TUSC3: variants seen among roughly 807,000 people sequenced by gnomAD.
TUSC3 encodes the protein tumor suppressor candidate 3, also known as dolichyl-diphosphooligosaccharide--protein glycosyltransferase subunit TUSC3.
A neutral mutation model predicts 44.8 loss-of-function variants in TUSC3; 45 were observed. The ratio of observed to expected loss-of-function variants is 1.00; its 90% CI spans 0.79 to 1.29. The LOEUF (loss-of-function observed/expected upper bound fraction) is 1.29. Among genes scored for constraint, TUSC3 ranks in the 50% most tolerant of loss-of-function variants. The pLI, the probability that TUSC3 is intolerant of heterozygous loss-of-function variation, is 0.00. For missense variants in TUSC3, 519 were observed against 437.9 expected (o/e 1.19, Z -1.65); for synonymous variants, 212 against 152.9 (o/e 1.39, Z -2.85).
intron 1 of TUSC3, among the ~76,000 whole-genome samples, chr8:15,576,811 A>C (rs373683871): frequency 0.065 from 8,764 of 134,474 alleles, 267 homozygotes; most frequent in Middle Eastern, 0.082. Flanking sequence ...ATTTATAGTC[A>C]TTTGGGTATA....
intron 2 of TUSC3, among the ~76,000 whole-genome samples, chr8:15,649,178 A>G (rs911002726): frequency 2.0e-5 from 3 of 152,162 alleles, no homozygotes; most frequent in Non-Finnish European, 2.9e-5. Flanking sequence ...GGAAGTTTTT[A>G]AGAAATCACA....
At chr8:15,752,964 A>T (rs1358454080) in intron 9 of TUSC3, among the ~76,000 whole-genome samples, 1 of 152,044 alleles carries the variant, frequency 6.6e-6, no homozygotes, top group Admixed American at 6.6e-5. Flanking sequence ...CTTGGTACAA[A>T]TATATGCAAT....
the TUSC3 span, among the ~76,000 whole-genome samples, chr8:15,803,062 G>A: frequency 6.6e-6 from 1 of 152,162 alleles, no homozygotes; most frequent in African/African-American, 2.4e-5. Flanking sequence ...CAAGGTCAGT[G>A]TTGATGTTCA....
At chr8:15,791,301 A>ACC in the TUSC3 span, among the ~76,000 whole-genome samples, 1 of 151,578 alleles carries the variant, frequency 6.6e-6, no homozygotes, top group Non-Finnish European at 1.5e-5. Flanking sequence ...ACACACACAC[A>ACC]CACAGGCATC....
At chr8:15,496,520 C>T (rs532134028) in intron 2 of TUSC3, among the ~76,000 whole-genome samples, 2 of 152,306 alleles carry the variant, frequency 1.3e-5, no homozygotes, top group Admixed American at 6.5e-5. Context: ...GCTGTCCTAG[C>T]TTCTGATACA....
chr8:15,517,994 C>CAAA (rs1801244597), intron 2 of TUSC3, among the ~76,000 whole-genome samples: 3 of 135,394 alleles, frequency 2.2e-5, no homozygotes, highest in South Asian at 2.7e-4. Flanking sequence ...AAAAAAAAAC[C>CAAA]CCCATACACA....
At chr8:15,605,988 C>T (rs1291474072) in intron 1 of TUSC3, among the ~76,000 whole-genome samples, 3 of 152,078 alleles carry the variant, frequency 2.0e-5, no homozygotes, top group Non-Finnish European at 2.9e-5. Flanking sequence ...TTGCATATTG[C>T]AGTAAACAGT....
At chr8:15,508,854 C>G (rs1286547021) in intron 2 of TUSC3, among the ~76,000 whole-genome samples, 1 of 152,208 alleles carries the variant, frequency 6.6e-6, no homozygotes, top group Non-Finnish European at 1.5e-5. Context: ...GCTACTCACT[C>G]TGTCAACAGC....
chr8:15,482,736 G>GT (rs1327022862), intron 1 of TUSC3, among the ~76,000 whole-genome samples: 1 of 152,122 alleles, frequency 6.6e-6, no homozygotes, highest in Non-Finnish European at 1.5e-5. Flanking sequence ...GATTAAAAAT[G>GT]TATGTACAGA....
At chr8:15,831,875 A>C in the TUSC3 span, among the ~76,000 whole-genome samples, 38 of 152,150 alleles carry the variant, frequency 2.5e-4, no homozygotes, top group Non-Finnish European at 5.9e-5. Flanking sequence ...ATACTGCAGG[A>C]TATTATCCAT....
chr8:15,763,895 T>C (rs1341484047), intron 10 of TUSC3, among the ~76,000 whole-genome samples: 2 of 152,076 alleles, frequency 1.3e-5, no homozygotes, highest in Non-Finnish European at 2.9e-5. Flanking sequence ...TCCCCTACAT[T>C]ACCATTTTAA....
chr8:15,717,570 C>A (rs1163070600), intron 6 of TUSC3, among the ~76,000 whole-genome samples: 1 of 152,022 alleles, frequency 6.6e-6, no homozygotes, highest in East Asian at 1.9e-4. Context: ...AATCCTGTTG[C>A]AGTATTACGT....
At chr8:15,826,851 G>A in the TUSC3 span, among the ~76,000 whole-genome samples, 1 of 152,124 alleles carries the variant, frequency 6.6e-6, no homozygotes, top group African/African-American at 2.4e-5. Context: ...CATCTTATGT[G>A]TTTGTTGTGA....
intron 1 of TUSC3, among the ~76,000 whole-genome samples, chr8:15,430,665 A>G (rs10100989): frequency 0.14 from 21,020 of 151,332 alleles, 1,732 homozygotes; most frequent in Middle Eastern, 0.21. Context: ...AGGGCATTCA[A>G]TTAGGAAAAG....
chr8:15,840,772 C>T, the TUSC3 span, among the ~76,000 whole-genome samples: 1 of 152,096 alleles, frequency 6.6e-6, no homozygotes, highest in Non-Finnish European at 1.5e-5. Context: ...ACAATAATGG[C>T]TGTCTCTAAA....
chr8:15,518,332 T>C (rs889199954), intron 2 of TUSC3, among the ~76,000 whole-genome samples: 4 of 152,182 alleles, frequency 2.6e-5, no homozygotes. Flanking sequence ...AAATTATACA[T>C]GTTACAGTTT....
At chr8:15,572,735 G>A (rs1431222981) in intron 1 of TUSC3, among the ~76,000 whole-genome samples, 2 of 152,064 alleles carry the variant, frequency 1.3e-5, no homozygotes. Flanking sequence ...TTATTCATTG[G>A]CCTAATTTCA....
chr8:15,545,377 T>G (rs1183696374), intron 1 of TUSC3, among the ~76,000 whole-genome samples: 1 of 151,506 alleles, frequency 6.6e-6, no homozygotes, highest in Non-Finnish European at 1.5e-5. Flanking sequence ...GAAACCAAGG[T>G]CTTTAAAAAT....
chr8:15,507,304 T>C (rs1801069625), intron 2 of TUSC3, among the ~76,000 whole-genome samples: 1 of 152,166 alleles, frequency 6.6e-6, no homozygotes, highest in Admixed American at 6.5e-5. Context: ...CCTTTTTAAT[T>C]AGAGGAAGAG....
Sources: gnomAD v4.1 joint callset for allele counts (sites outside exome capture counted in the v4.1 genomes callset) on GRCh38, gnomAD v4.1.1 for gene constraint, MANE v1.5 for transcripts, NCBI Gene and HGNC (gene_info 2026-07-23, HGNC 2026-07-21) for gene names.